The following WWOX variants were observed in gnomAD, a reference collection of about 807,000 sequenced individuals.
WWOX encodes WW domain containing oxidoreductase.
In WWOX, 69 loss-of-function variants were observed where a neutral mutation model predicts 46.2. That is an observed-to-expected ratio of 1.49 (90% CI 1.23 to 1.82). The LOEUF is 1.82. Among genes scored for constraint, WWOX ranks in the 40% most tolerant of loss-of-function variants. The probability of loss-of-function intolerance (pLI) is 0.00; values close to 1 mark genes in which losing one functional copy is unlikely to be tolerated. For synonymous variants in WWOX, 359 were observed against 202.6 expected (o/e 1.77, Z -6.56); for missense variants, 919 against 542.6 (o/e 1.69, Z -6.89).
intron 5 of WWOX, among the ~76,000 whole-genome samples, chr16:78,266,788 T>TTCTCTCTCTTTCTCTCTCTCTCTC (rs767644576): frequency 6.9e-5 from 8 of 115,532 alleles, no homozygotes; most frequent in Non-Finnish European, 1.4e-4. Context: ...TATTCTTCTA[T>TTCTCTCTCTTTCTCTCTCTCTCTC]TCTCTCTCTC....
chr16:78,388,306 C>T (rs889379870), intron 6 of WWOX, among the ~76,000 whole-genome samples: 10 of 152,304 alleles, frequency 6.6e-5, no homozygotes, highest in African/African-American at 2.4e-4. Context: ...GCTGGGATTA[C>T]ACACATGAAC....
intron 8 of WWOX, among the ~76,000 whole-genome samples, chr16:78,493,720 C>T (rs577187030): frequency 1.3e-5 from 2 of 152,276 alleles, no homozygotes; most frequent in Admixed American, 6.5e-5. Flanking sequence ...ACCCTCGCAA[C>T]AGTCTTACCC....
At chr16:78,500,515 C>T (rs2085035425) in intron 8 of WWOX, among the ~76,000 whole-genome samples, 1 of 151,846 alleles carries the variant, frequency 6.6e-6, no homozygotes, top group Admixed American at 6.6e-5. Flanking sequence ...AGCATTTTAC[C>T]ATGAGAAGCC....
intron 5 of WWOX, among the ~76,000 whole-genome samples, chr16:78,356,505 C>T (rs1032849062): frequency 6.6e-6 from 1 of 152,116 alleles, no homozygotes; most frequent in African/African-American, 2.4e-5. Context: ...CTACCCTAGA[C>T]CTCATCTCCA....
chr16:78,749,940 C>T (rs1429783963), intron 8 of WWOX, among the ~76,000 whole-genome samples: 1 of 152,150 alleles, frequency 6.6e-6, no homozygotes, highest in Non-Finnish European at 1.5e-5. Context: ...TTTTAAAAGT[C>T]TTGCACTGTT....
intron 8 of WWOX, among the ~76,000 whole-genome samples, chr16:78,451,907 G>A (rs1428167987): frequency 6.6e-6 from 1 of 152,192 alleles, no homozygotes; most frequent in Non-Finnish European, 1.5e-5. Flanking sequence ...TTCCACGAAG[G>A]AATGAAATTA....
rs1268871459 is a variant in WWOX, at chr16:78,641,495, C to T, written c.1056+208743C>T. ...CCAATCCCCTCTCACGCCCCAAGCT[C>T]TATTTAATCAACTGCAGACTCAATC... On this transcript the variant is annotated intron_variant, in intron 8 of 8. Coordinates refer to ENST00000566780, the MANE Select transcript of WWOX (RefSeq NM_016373.4). Among the ~76,000 whole-genome samples the T allele has an allele frequency of 2.6e-5, 4 of 152,244 alleles. No individual in the cohort carries two copies. In the East Asian group the frequency reaches 5.8e-4, roughly 22 times the overall value.
intron 8 of WWOX, among the ~76,000 whole-genome samples, chr16:78,774,512 G>A (rs899220421): frequency 2.7e-5 from 4 of 147,598 alleles, no homozygotes; most frequent in African/African-American, 1.0e-4. Flanking sequence ...GTGTGTGTGT[G>A]TGTGTGTGTG....
chr16:78,482,990 C>G (rs1597147698), intron 8 of WWOX, among the ~76,000 whole-genome samples: 1 of 152,082 alleles, frequency 6.6e-6, no homozygotes, highest in Non-Finnish European at 1.5e-5. Context: ...TGTGGGCCCA[C>G]TTTAAGAAAA....
intron 8 of WWOX, among the ~76,000 whole-genome samples, chr16:78,989,485 G>A (rs1420318838): frequency 6.6e-6 from 1 of 152,158 alleles, no homozygotes; most frequent in Non-Finnish European, 1.5e-5. Flanking sequence ...CCTGTCCATA[G>A]CGCCCATGGC....
rs780852576 is a variant in WWOX, at chr16:78,810,942, G to T, written c.1056+378190G>T. On this transcript the variant is annotated intron_variant, in intron 8 of 8. Coordinates refer to ENST00000566780, the MANE Select transcript of WWOX (RefSeq NM_016373.4). ...AGACATTTAGAAAATACTGCAGGCA[G>T]AGCTGGGGATTCCGTGGCCAGAAGC... is the stretch of plus-strand genomic sequence containing the variant. 5.4e-5 allele frequency among the ~76,000 whole-genome samples: 8 copies of T among 147,710 alleles called. No individual in the cohort carries two copies. The East Asian group carries it at 7.9e-4, about 15-fold the overall frequency.
intron 5 of WWOX, among the ~76,000 whole-genome samples, chr16:78,206,970 G>A (rs2036415686): frequency 6.6e-6 from 1 of 152,152 alleles, no homozygotes; most frequent in Non-Finnish European, 1.5e-5. Flanking sequence ...AATCTGCATA[G>A]TGTTTCATCA....
chr16:79,074,268 G>A lies in WWOX; in HGVS notation c.1057-137340G>A, dbSNP rs147694689. On this transcript the variant is annotated intron_variant, in intron 8 of 8. Transcript: ENST00000566780. The stretch of plus-strand genomic sequence containing the variant: ...TATAATAAATCATCCAGCCCCAAAT[G>A]TCAGGAACCTGGGTTTCTAATGATG... 3.5e-3 allele frequency among the ~76,000 whole-genome samples: 527 copies of A among 152,062 alleles called. 2 individuals are homozygous for A. Among genetic ancestry groups the A allele is most frequent in the Non-Finnish European group, 4.8e-3 (324 of 67,998 alleles).
chr16:78,229,582 C>T (rs1192296480), intron 5 of WWOX, among the ~76,000 whole-genome samples: 12 of 150,522 alleles, frequency 8.0e-5, no homozygotes, highest in African/African-American at 2.2e-4. Context: ...ATTTCTAGGA[C>T]TTAGAGTGAT....
At chr16:78,725,834 G>T (rs1351784018) in intron 8 of WWOX, among the ~76,000 whole-genome samples, 1 of 151,910 alleles carries the variant, frequency 6.6e-6, no homozygotes, top group East Asian at 1.9e-4. Flanking sequence ...GGTGTTCCTT[G>T]GCTTGTAGGT....
chr16:78,606,905 G>C (rs1471770978), intron 8 of WWOX, among the ~76,000 whole-genome samples: 6 of 151,970 alleles, frequency 3.9e-5, no homozygotes, highest in African/African-American at 1.2e-4. Flanking sequence ...AAAGACAATT[G>C]TCTTTTATGT....
intron 8 of WWOX, among the ~76,000 whole-genome samples, chr16:78,755,543 C>G (rs542776995): frequency 6.6e-6 from 1 of 152,272 alleles, no homozygotes; most frequent in South Asian, 2.1e-4. Context: ...GTTGTAATAT[C>G]AAATAATTCT....
intron 8 of WWOX, among the ~76,000 whole-genome samples, chr16:78,747,166 G>A (rs188255783): frequency 6.6e-6 from 1 of 151,144 alleles, no homozygotes; most frequent in Non-Finnish European, 1.5e-5. Flanking sequence ...CCTGGGAAGA[G>A]TGGTGGGGGG....
intron 5 of WWOX, among the ~76,000 whole-genome samples, chr16:78,330,938 C>T (rs1419917159): frequency 2.0e-5 from 3 of 152,144 alleles, no homozygotes; most frequent in Admixed American, 1.3e-4. Context: ...TTAAACACAA[C>T]CTCATAATAC....
Sources: gnomAD v4.1 joint callset for allele counts (sites outside exome capture counted in the v4.1 genomes callset) on GRCh38, gnomAD v4.1.1 for gene constraint, MANE v1.5 for transcripts, NCBI Gene and HGNC (gene_info 2026-07-23, HGNC 2026-07-21) for gene names.